ZNF536: variants seen among roughly 807,000 people sequenced by gnomAD.
The protein encoded by ZNF536 is zinc finger protein 536.
A neutral mutation model predicts 84.5 loss-of-function variants in ZNF536; 13 were observed. That is an observed-to-expected ratio of 0.15 (90% CI 0.10 to 0.24). The LOEUF (loss-of-function observed/expected upper bound fraction) is 0.24, where lower values mean the gene tolerates loss of function less well. Ranked by LOEUF, ZNF536 falls within the 10% of genes least tolerant of loss-of-function variation. The probability of loss-of-function intolerance (pLI) is 1.00; values close to 1 mark genes in which losing one functional copy is unlikely to be tolerated. For synonymous variants in ZNF536, 811 were observed against 742.5 expected (o/e 1.09, Z -1.50); for missense variants, 1,536 against 1,747.5 (o/e 0.88, Z 2.16).
chr19:30,586,743 G>A (rs775665479), intron 1 of ZNF536, among the ~76,000 whole-genome samples: 2 of 152,188 alleles, frequency 1.3e-5, no homozygotes, highest in Non-Finnish European at 2.9e-5. Flanking sequence ...AGAGTACCAT[G>A]AGTATTGCAT....
At chr19:30,413,704 T>A (rs1253850160) in intron 1 of ZNF536, among the ~76,000 whole-genome samples, 1 of 152,208 alleles carries the variant, frequency 6.6e-6, no homozygotes. Context: ...TTGCATTATG[T>A]ATTTTATAGC....
At chr19:30,681,324 G>T (rs1413544393) in intron 1 of ZNF536, among the ~76,000 whole-genome samples, 2 of 152,194 alleles carry the variant, frequency 1.3e-5, no homozygotes, top group African/African-American at 4.8e-5. Context: ...CTGAGGAGGT[G>T]TGCTAAGTTT....
At chr19:30,283,332 C>T (rs888476554) in intron 1 of ZNF536, among the ~76,000 whole-genome samples, 1 of 152,170 alleles carries the variant, frequency 6.6e-6, no homozygotes, top group Non-Finnish European at 1.5e-5. Context: ...TTGATTACCC[C>T]CTAGCCAGCA....
In ZNF536 at chr19:30,694,508, T is replaced by A. The variant is rs1206483104; in HGVS notation, c.170-16249T>A. 3.3e-5 allele frequency among the ~76,000 whole-genome samples: 5 copies of A among 152,160 alleles called. No individual in the cohort carries two copies. In the East Asian group the frequency reaches 9.7e-4, roughly 29 times the overall value. Reference sequence around the variant, plus strand: ...GGGCCCACAGGCGCCTGGCTGGTGATGCCTGGGAAGTAAATGGGTGCCAGG... The same window carrying A: ...GGGCCCACAGGCGCCTGGCTGGTGAAGCCTGGGAAGTAAATGGGTGCCAGG... On this transcript the variant is annotated intron_variant, in intron 1 of 1. Coordinates refer to the ZNF536 transcript ENST00000592773.
In ZNF536 at chr19:30,429,857, C is replaced by T. The variant is rs144897835; in HGVS notation, c.-2-13704C>T. Among the ~76,000 whole-genome samples, 222 of 152,244 alleles carry T rather than the reference C, an allele frequency of 1.5e-3. 3 individuals are homozygous for T. The highest frequency in any genetic ancestry group is 5.2e-3 in the African/African-American group (218 of 41,536). On this transcript the variant is annotated intron_variant, in intron 1 of 4. Transcript: ENST00000355537. The stretch of plus-strand genomic sequence containing the variant: ...AGGAGAGTGGAGTTTGAAAAAGGCA[C>T]GTTGAAGGACTTGGAATCCAAATTA...
intron 3 of ZNF536, among the ~76,000 whole-genome samples, chr19:30,359,615 C>T (rs1021729896): frequency 6.6e-6 from 1 of 152,088 alleles, no homozygotes; most frequent in African/African-American, 2.4e-5. Context: ...ACAGGGTGCC[C>T]ACCCATCCTA....
chr19:30,526,723 C>CAAA (rs766704469), intron 2 of ZNF536, among the ~76,000 whole-genome samples: 30 of 46,666 alleles, frequency 6.4e-4, no homozygotes, highest in East Asian at 9.7e-4. Flanking sequence ...GACTCCGTCT[C>CAAA]AAAAAAAAAA....
chr19:30,537,405 T>C (rs2045131668), intron 3 of ZNF536, among the ~76,000 whole-genome samples: 1 of 152,188 alleles, frequency 6.6e-6, no homozygotes, highest in Non-Finnish European at 1.5e-5. Flanking sequence ...GAAACCAGGC[T>C]AGGCATGTCT....
intron 2 of ZNF536, among the ~76,000 whole-genome samples, chr19:30,524,094 T>A (rs2044476685): frequency 6.6e-6 from 1 of 152,220 alleles, no homozygotes; most frequent in Non-Finnish European, 1.5e-5. Context: ...ATTTCATAAT[T>A]ATCCATCACG....
At position 30,445,449 on chromosome 19, in the gene ZNF536, G is replaced by C. The variant is rs1389919248; in HGVS notation, c.1887G>C (p.Lys629Asn). The C allele has an allele frequency of 1.9e-6, 3 of 1,614,156 alleles. No homozygotes were observed. The South Asian group carries it at 3.3e-5, about 18-fold the overall frequency. The change falls in exon 2 of 5, where the codon AAG becomes AAC. Residue 629 changes from lysine to asparagine, a missense_variant. By Grantham distance (94) the Lys-to-Asn change is moderately conservative (BLOSUM62 0). Transcript: ENST00000355537. The surrounding 1 kb of genome is among the most constrained non-coding windows in gnomAD (Gnocchi z 4.5). ...NLQGPGNMKEKPTECPDCGRV... is the reference protein window; with the variant it reads ...NLQGPGNMKENPTECPDCGRV... ...AGGGTCCTGGGAACATGAAGGAGAA[G>C]CCCACCGAGTGCCCCGACTGCGGCC...
chr19:30,433,321 A>G (rs2051563709), intron 1 of ZNF536, among the ~76,000 whole-genome samples: 1 of 152,096 alleles, frequency 6.6e-6, no homozygotes, highest in Non-Finnish European at 1.5e-5. Context: ...GAGTCCATCC[A>G]TCTTCCCCCC....
intron 1 of ZNF536, among the ~76,000 whole-genome samples, chr19:30,703,285 GA>G (rs2052072960): frequency 1.3e-5 from 2 of 152,326 alleles, no homozygotes; most frequent in East Asian, 3.9e-4. Context: ...GGGAGATGAG[GA>G]GGGGGGATGC....
intron 2 of ZNF536, among the ~76,000 whole-genome samples, chr19:30,322,615 T>C (rs951752506): frequency 1.3e-5 from 2 of 152,194 alleles, no homozygotes; most frequent in East Asian, 3.9e-4. Context: ...ACCATCCTTT[T>C]CCCGAATTTC....
At chr19:30,559,672 G>T (rs1037531409), downstream of ZNF536, among the ~76,000 whole-genome samples, 12 of 152,312 alleles carry the variant, frequency 7.9e-5, no homozygotes, top group East Asian at 7.7e-4. Context: ...GCATGTGGGG[G>T]GCTGGGCTTT....
intron 1 of ZNF536, among the ~76,000 whole-genome samples, chr19:30,689,031 CTCTCGATGTGTGTCA>C (rs1226266484): frequency 1.3e-5 from 2 of 152,252 alleles, no homozygotes; most frequent in Non-Finnish European, 2.9e-5. Context: ...CTGTGCTGAG[CTCTCGATGTGTGTCA>C]TCCCCTTAGA....
intron 1 of ZNF536, among the ~76,000 whole-genome samples, chr19:30,648,961 C>G (rs1168603669): frequency 6.6e-6 from 1 of 152,234 alleles, no homozygotes; most frequent in East Asian, 1.9e-4. Flanking sequence ...TTCTTCTTCA[C>G]TGTTTCTCCG....
intron 1 of ZNF536, among the ~76,000 whole-genome samples, chr19:30,428,576 T>C (rs558725522): frequency 6.6e-6 from 1 of 151,806 alleles, no homozygotes; most frequent in Non-Finnish European, 1.5e-5. Flanking sequence ...GCAGCTTGGG[T>C]AGGTGATACT....
At chr19:30,588,168 TTTACTGGCTCA>T (rs2047159912) in intron 1 of ZNF536, among the ~76,000 whole-genome samples, 1 of 152,226 alleles carries the variant, frequency 6.6e-6, no homozygotes, top group Admixed American at 6.5e-5. Context: ...GGCGCTGATC[TTTACTGGCTCA>T]TATGGTGGTC....
intron 1 of ZNF536, among the ~76,000 whole-genome samples, chr19:30,687,677 A>G (rs2051244549): frequency 6.6e-6 from 1 of 152,220 alleles, no homozygotes; most frequent in Non-Finnish European, 1.5e-5. Flanking sequence ...GGGAGACTTC[A>G]TAAACAAATC....
Sources: gnomAD v4.1 joint callset for allele counts (sites outside exome capture counted in the v4.1 genomes callset) on GRCh38, gnomAD v4.1.1 for gene constraint, Gnocchi (gnomAD v3.1) non-coding constraint, MANE v1.5 for transcripts, NCBI Gene and HGNC (gene_info 2026-07-23, HGNC 2026-07-21) for gene names.